Variants in IL1RAPL1 observed in about 807,000 individuals in gnomAD.
IL1RAPL1 encodes the protein interleukin-1 receptor accessory protein-like 1.
IL1RAPL1 carries 3 observed loss-of-function variants against 48.4 expected under a neutral mutation model. That is an observed-to-expected ratio of 0.06 (90% CI 0.03 to 0.16). The LOEUF (loss-of-function observed/expected upper bound fraction) is 0.16. Among genes scored for constraint, IL1RAPL1 ranks in the 10% least tolerant of loss-of-function variants. The pLI is 1.00. For synonymous variants in IL1RAPL1, 185 were observed against 187.7 expected (o/e 0.99, Z 0.12); for missense variants, 349 against 530.6 (o/e 0.66, Z 3.36).
intron 2 of IL1RAPL1, among the ~76,000 whole-genome samples, chrX:29,020,260 G>T (rs1230782750): frequency 8.9e-6 from 1 of 112,472 alleles, no homozygotes; most frequent in Non-Finnish European, 1.9e-5. Flanking sequence ...TATGTCCATT[G>T]TACAGTTATG....
intron 6 of IL1RAPL1, among the ~76,000 whole-genome samples, chrX:29,837,915 T>TA (rs886980410): frequency 8.0e-5 from 9 of 112,215 alleles, no homozygotes; most frequent in Non-Finnish European, 1.7e-4. Context: ...TAGACAATTA[T>TA]AAAAAGAGTG....
intron 1 of IL1RAPL1, among the ~76,000 whole-genome samples, chrX:28,692,398 C>A (rs756988739): frequency 9.0e-6 from 1 of 111,650 alleles, no homozygotes; most frequent in East Asian, 2.8e-4. Context: ...GAATAGGTTT[C>A]GAGTCCTAGC....
chrX:29,301,360 T>C (rs1294323419), intron 3 of IL1RAPL1, among the ~76,000 whole-genome samples: 1 of 112,096 alleles, frequency 8.9e-6, no homozygotes, highest in Non-Finnish European at 1.9e-5. Context: ...ACTTTCTTGT[T>C]AGGGGAGATT....
At chrX:29,132,709 TGTAAAGCTCTAAGCCAGGCTTTTGTCTTC>T (rs1929047209) in intron 2 of IL1RAPL1, among the ~76,000 whole-genome samples, 1 of 112,125 alleles carries the variant, frequency 8.9e-6, no homozygotes, top group Non-Finnish European at 1.9e-5. Context: ...CAGACCATAC[TGTAAAGCTCTAAGCCAGGCTTTTGTCTTC>T]CCTTGATCAG....
Position 29,955,875 on chromosome X carries a change from G to A in IL1RAPL1, c.*55G>A, listed in dbSNP as rs1220593930. 271 of 949,040 alleles carry A rather than the reference G, an allele frequency of 2.9e-4. No homozygotes were observed. The highest frequency in any genetic ancestry group is 2.1e-5 in the Non-Finnish European group (14 of 659,830). The allele number at this position is 949,040 out of a possible 1,213,427, so 78.2% of individuals were successfully genotyped here. On this transcript the variant is annotated 3_prime_UTR_variant, in exon 11 of 11. Coordinates refer to ENST00000378993, the MANE Select transcript of IL1RAPL1 (RefSeq NM_014271.4). ...GAGGTTGAGTGGAATCTGCAGTCCA[G>A]TGCCTGGAACTAAATCCTCGACTGC... is the stretch of plus-strand genomic sequence containing the variant.
intron 5 of IL1RAPL1, among the ~76,000 whole-genome samples, chrX:29,544,727 G>A (rs1457793622): frequency 9.4e-6 from 1 of 106,055 alleles, no homozygotes; most frequent in Non-Finnish European, 1.9e-5. Context: ...GAGATGATGT[G>A]TGTGTGTGTG....
intron 6 of IL1RAPL1, among the ~76,000 whole-genome samples, chrX:29,860,437 T>G (rs1413062052): frequency 1.8e-5 from 2 of 111,225 alleles, no homozygotes; most frequent in African/African-American, 6.5e-5. Context: ...GGTATACACG[T>G]GCTGTGGTGG....
At chrX:29,200,218 T>TA (rs764676658) in intron 2 of IL1RAPL1, among the ~76,000 whole-genome samples, 1 of 111,183 alleles carries the variant, frequency 9.0e-6, no homozygotes, top group Non-Finnish European at 1.9e-5. Flanking sequence ...TCCTGGAAAA[T>TA]TGCAGTGCTT....
At chrX:28,911,538 G>A (rs866588487) in intron 2 of IL1RAPL1, among the ~76,000 whole-genome samples, 3 of 110,701 alleles carry the variant, frequency 2.7e-5, no homozygotes, top group Non-Finnish European at 5.7e-5. Flanking sequence ...ACTTCCTCAG[G>A]AAGGCATTCT....
chrX:29,028,724 A>C lies in IL1RAPL1; in HGVS notation c.82+239299A>C, dbSNP rs556009728. ...TCCTCCAGTTTTATACCTGGGGTCT[A>C]TTCTAGTTCTGGGAATTTTCTGAGC... On this transcript the variant is annotated intron_variant, in intron 2 of 10. Coordinates refer to ENST00000378993, the MANE Select transcript of IL1RAPL1 (RefSeq NM_014271.4). 2.7e-5 allele frequency among the ~76,000 whole-genome samples: 3 copies of C among 111,055 alleles called. No individual in the cohort carries two copies. The East Asian group carries it at 8.5e-4, about 32-fold the overall frequency.
chrX:29,667,564 A>G, intron 5 of IL1RAPL1, among the ~76,000 whole-genome samples: 1 of 112,102 alleles, frequency 8.9e-6, no homozygotes, highest in Non-Finnish European at 1.9e-5. Context: ...ATTCGATGAG[A>G]GAGGGCAGGG....
intron 1 of IL1RAPL1, among the ~76,000 whole-genome samples, chrX:28,687,777 G>A (rs1429985198): frequency 2.0e-5 from 2 of 99,660 alleles, no homozygotes; most frequent in African/African-American, 3.7e-5. Flanking sequence ...GCGAGACTCC[G>A]TCTCAGAAAA....
chrX:28,728,672 G>A (rs5943534), intron 1 of IL1RAPL1, among the ~76,000 whole-genome samples: 55,198 of 110,347 alleles, frequency 0.5, 10,255 homozygotes, highest in Middle Eastern at 0.74. Flanking sequence ...CATAAACACA[G>A]CATCTTTACT....
intron 6 of IL1RAPL1, among the ~76,000 whole-genome samples, chrX:29,753,047 A>G (rs556235809): frequency 2.7e-5 from 3 of 112,173 alleles, no homozygotes; most frequent in Middle Eastern, 4.6e-3. Flanking sequence ...GTTATGACAT[A>G]GTAGAATATA....
intron 1 of IL1RAPL1, among the ~76,000 whole-genome samples, chrX:28,719,357 A>G (rs1935541282): frequency 9.0e-6 from 1 of 111,282 alleles, no homozygotes; most frequent in Non-Finnish European, 1.9e-5. Flanking sequence ...ATTATTTGTT[A>G]TTACTGTTAT....
intron 6 of IL1RAPL1, among the ~76,000 whole-genome samples, chrX:29,802,879 ATGTATATATGTATACATATATATG>A (rs1569173010): frequency 1.2e-5 from 1 of 83,495 alleles, no homozygotes; most frequent in African/African-American, 5.0e-5. Flanking sequence ...GTATACATAT[ATGTATATATGTATACATATATATG>A]TGTATATATG....
intron 6 of IL1RAPL1, among the ~76,000 whole-genome samples, chrX:29,740,367 A>G (rs746267546): frequency 9.0e-6 from 1 of 111,376 alleles, no homozygotes; most frequent in Admixed American, 9.6e-5. Context: ...GCTTCCTAAT[A>G]AAAATATCCA....
intron 5 of IL1RAPL1, among the ~76,000 whole-genome samples, chrX:29,623,042 G>A (rs1049626684): frequency 1.7e-4 from 18 of 107,979 alleles, no homozygotes; most frequent in Non-Finnish European, 2.7e-4. Context: ...AGGCCGAGGC[G>A]GGCGGATCAC....
chrX:28,691,389 C>T (rs1051733036), intron 1 of IL1RAPL1, among the ~76,000 whole-genome samples: 1 of 111,703 alleles, frequency 9.0e-6, no homozygotes, highest in Non-Finnish European at 1.9e-5. Context: ...CTTGCCTGAC[C>T]ACCCTGACTA....
Sources: allele counts gnomAD v4.1 joint callset (sites outside exome capture counted in the v4.1 genomes callset), GRCh38; gene constraint gnomAD v4.1.1; transcripts MANE v1.5; gene names NCBI Gene and HGNC (gene_info 2026-07-23, HGNC 2026-07-21).